The following CSNK1E variants were observed in gnomAD, a reference collection of about 807,000 sequenced individuals.
CSNK1E encodes casein kinase I isoform epsilon.
Under a neutral mutation model 46.1 loss-of-function variants are expected in CSNK1E, and 17 were observed. The observed-to-expected ratio is 0.37, with a 90% CI of 0.25 to 0.55. The LOEUF (loss-of-function observed/expected upper bound fraction) is 0.55, where lower values mean the gene tolerates loss of function less well. Among genes scored for constraint, CSNK1E ranks in the 20% least tolerant of loss-of-function variants. The probability of loss-of-function intolerance (pLI) is 0.82; values close to 1 mark genes in which losing one functional copy is unlikely to be tolerated. For synonymous variants in CSNK1E, 241 were observed against 242.6 expected, an observed-to-expected ratio of 0.99 and a Z score of 0.06; for missense variants, 386 against 595.4, an observed-to-expected ratio of 0.65 and a Z score of 3.66.
chr22:38,299,855 A>G, intron 6 of CSNK1E, 40 bp downstream of exon 6: 1 of 1,601,666 alleles, frequency 6.2e-7, no homozygotes, highest in Non-Finnish European at 8.5e-7. Context: ...ACAGTGCCTC[A>G]GGGGCCCCCA....
Position 38,298,695 on chromosome 22 carries a change from G to C in CSNK1E, c.885+91C>G. ...AGCTCGTACCTCCCGTCTGTCGGGA[G>C]CCCCTCCCGCCACCAGCTCACTCTG... On this transcript the variant is annotated intron_variant, in intron 7 of 10. Transcript: ENST00000396832. This position sits in a 1 kb window ranked among gnomAD's most constrained non-coding sequence, Gnocchi z 4.2. 6.8e-7 allele frequency: 1 copy of C among 1,473,448 alleles called. No homozygotes were observed. The highest frequency in any genetic ancestry group is 9.4e-7 in the Non-Finnish European group (1 of 1,063,320). The allele number at this position is 1,473,448 out of a possible 1,614,324, so 91.3% of individuals were successfully genotyped here. A position where few individuals can be genotyped will look rare whatever the true frequency, so the allele number is the denominator to read the frequency against.
At chr22:38,315,934 C>T (rs1362829675) in intron 1 of CSNK1E, among the ~76,000 whole-genome samples, 5 of 152,040 alleles carry the variant, frequency 3.3e-5, no homozygotes, top group African/African-American at 7.2e-5. Flanking sequence ...CTGCTATGTG[C>T]CAGCCACCCA....
chr22:38,315,276 C>T (rs923328038), intron 1 of CSNK1E, among the ~76,000 whole-genome samples: 1 of 152,236 alleles, frequency 6.6e-6, no homozygotes, highest in Admixed American at 6.5e-5. Context: ...CCAAGTGCTG[C>T]CCCCAACAAC....
chr22:38,308,509 G>A (rs1027993937), intron 2 of CSNK1E, among the ~76,000 whole-genome samples: 4 of 152,062 alleles, frequency 2.6e-5, no homozygotes, highest in African/African-American at 7.2e-5. Flanking sequence ...AGGGGTCGTC[G>A]GACAAGGCAC....
chr22:38,314,595 T>TG (rs1207412768), intron 1 of CSNK1E, among the ~76,000 whole-genome samples: 4 of 152,156 alleles, frequency 2.6e-5, no homozygotes, highest in Admixed American at 2.0e-4. Flanking sequence ...CATCCCCTAC[T>TG]GGGGGGAAGG....
rs748049706 is a variant in CSNK1E, at chr22:38,314,167, T to C, written c.-10A>G. The C allele has an allele frequency of 1.7e-5, 28 of 1,613,642 alleles. No homozygotes were observed. Among genetic ancestry groups the C allele is most frequent in the Non-Finnish European group, 2.4e-5 (28 of 1,179,754 alleles). On this transcript the variant is annotated splice_region_variant and 5_prime_UTR_variant, in exon 2 of 11. Transcript: ENST00000396832. ...CCACACGTAGCTCCATGGCTCACTCTTGCTGCAGAGGAAGCAGGAACATGA... is the reference window on the plus strand; with the variant it reads ...CCACACGTAGCTCCATGGCTCACTCCTGCTGCAGAGGAAGCAGGAACATGA...
chr22:38,299,667 G>GCACCCATCACACC (rs944979842), intron 6 of CSNK1E, among the ~76,000 whole-genome samples: 2 of 152,242 alleles, frequency 1.3e-5, no homozygotes, highest in African/African-American at 4.8e-5. Flanking sequence ...GGGATTACAG[G>GCACCCATCACACC]TGGGGCTAAT....
At chr22:38,305,043 A>C (rs1166426233) in intron 2 of CSNK1E, among the ~76,000 whole-genome samples, 1 of 149,824 alleles carries the variant, frequency 6.7e-6, no homozygotes, top group African/African-American at 2.5e-5. Flanking sequence ...AATCACTTGA[A>C]CCCAGGAGGC....
In CSNK1E at chr22:38,300,054, G is replaced by T; in HGVS notation, c.577C>A (p.Arg193=). 6.2e-7 allele frequency: 1 copy of T among 1,613,908 alleles called. No homozygotes were observed. Among genetic ancestry groups the T allele is most frequent in the Non-Finnish European group, 8.5e-7 (1 of 1,179,990 alleles). Residue 193 remains arginine, a synonymous_variant, in exon 6 of 11, where the codon CGA becomes AGA. Transcript: ENST00000396832. This position sits in a 1 kb window ranked among gnomAD's most constrained non-coding sequence, Gnocchi z 4.4. ...TAGCCCAGGCTCTCCAGGTCATCTC[G>T]ACGGCTTTGCTCTGCACAGAGAGTC... ...NTHLGIEQSR[R]DDLESLGYVL...
chr22:38,299,297 G>A (rs1007451904), intron 6 of CSNK1E, among the ~76,000 whole-genome samples: 1 of 152,214 alleles, frequency 6.6e-6, no homozygotes. Context: ...GCAAGAGCCT[G>A]ACGGGACCTT....
Position 38,298,660 on chromosome 22 carries a change from C to G in CSNK1E, c.885+126G>C, listed in dbSNP as rs547166721. 139 of 1,134,284 alleles carry G rather than the reference C, an allele frequency of 1.2e-4. No individual in the cohort carries two copies. The East Asian group carries it at 3.2e-3, about 26-fold the overall frequency. The allele number at this position is 1,134,284 out of a possible 1,614,324, so 70.3% of individuals were successfully genotyped here. A position where few individuals can be genotyped will look rare whatever the true frequency, so the allele number is the denominator to read the frequency against. On this transcript the variant is annotated intron_variant, in intron 7 of 10. Transcript: ENST00000396832. This position sits in a 1 kb window ranked among gnomAD's most constrained non-coding sequence, Gnocchi z 4.2. ...GCTCTGGGACCCCAGTGAGGTCAAC[C>G]ACACTGTCCAGCTCGTACCTCCCGT...
In CSNK1E at chr22:38,303,937, C is replaced by T. The variant is rs1205603099; in HGVS notation, c.77-689G>A. 2.0e-5 allele frequency among the ~76,000 whole-genome samples: 3 copies of T among 152,186 alleles called. No individual in the cohort carries two copies. The highest frequency in any genetic ancestry group is 7.2e-5 in the African/African-American group (3 of 41,446). On this transcript the variant is annotated intron_variant, in intron 2 of 10. Transcript: ENST00000396832. This position sits in a 1 kb window ranked among gnomAD's most constrained non-coding sequence, Gnocchi z 4.7. Reference sequence around the variant, plus strand: ...GTCCTGCCTGCACCTCCCCGTCTCCCCCAGTCCACTCCTGGCTTCTCAAGG... The same window carrying T: ...GTCCTGCCTGCACCTCCCCGTCTCCTCCAGTCCACTCCTGGCTTCTCAAGG...
At chr22:38,299,029 A>G in intron 6 of CSNK1E, 95 bp from the exon 7 acceptor site, 2 of 1,384,748 alleles carry the variant, frequency 1.4e-6, no homozygotes, top group Non-Finnish European at 2.0e-6. Context: ...CACTGTCCCT[A>G]GATACTTCCA....
chr22:38,296,539 C>T, intron 7 of CSNK1E: 1 of 1,610,754 alleles, frequency 6.2e-7, no homozygotes, highest in Non-Finnish European at 8.5e-7. Context: ...GTTCAGCTCA[C>T]TACAGTGGCC....
In CSNK1E at chr22:38,294,980, G is replaced by A. The variant is rs924578140; in HGVS notation, c.886-446C>T. On this transcript the variant is annotated intron_variant, in intron 7 of 10. Coordinates refer to ENST00000396832, the MANE Select transcript of CSNK1E (RefSeq NM_152221.3). This position sits in a 1 kb window ranked among gnomAD's most constrained non-coding sequence, Gnocchi z 5.5. Reference sequence around the variant, plus strand: ...GCAGACTGGCTAGGGGTGTCCAGAGGGGGAAAAGAACAGGCCCAGAGTCAC... The same window carrying A: ...GCAGACTGGCTAGGGGTGTCCAGAGAGGGAAAAGAACAGGCCCAGAGTCAC... Among the ~76,000 whole-genome samples, 9 of 152,174 alleles carry A rather than the reference G, an allele frequency of 5.9e-5. No homozygotes were observed. Among genetic ancestry groups the A allele is most frequent in the African/African-American group, 2.2e-4 (9 of 41,430 alleles).
intron 2 of CSNK1E, among the ~76,000 whole-genome samples, chr22:38,313,506 G>A (rs952201222): frequency 6.6e-6 from 1 of 152,204 alleles, no homozygotes; most frequent in Non-Finnish European, 1.5e-5. Flanking sequence ...TGTTTAAAAT[G>A]CAACATCACA....
At chr22:38,310,832 C>T (rs1006079921) in intron 2 of CSNK1E, among the ~76,000 whole-genome samples, 2 of 152,242 alleles carry the variant, frequency 1.3e-5, no homozygotes, top group Admixed American at 6.5e-5. Flanking sequence ...CCAGCCCCAC[C>T]GGCAGAGGCC....
chr22:38,315,452 G>A (rs1243497593), intron 1 of CSNK1E, among the ~76,000 whole-genome samples: 2 of 152,216 alleles, frequency 1.3e-5, no homozygotes, highest in East Asian at 1.9e-4. Context: ...TCAATCAAGG[G>A]CCGCTGCCCA....
chr22:38,298,136 C>G lies in CSNK1E; in HGVS notation c.885+650G>C, dbSNP rs760637990. Reference sequence around the variant, plus strand: ...CGTGGGCCCAGCACAGGGACAGGGGCGGGGACAGAAAGGTCCCTTCGCTGT... The same window carrying G: ...CGTGGGCCCAGCACAGGGACAGGGGGGGGGACAGAAAGGTCCCTTCGCTGT... On this transcript the variant is annotated intron_variant, in intron 7 of 10. Transcript: ENST00000396832. The surrounding 1 kb of genome is among the most constrained non-coding windows in gnomAD (Gnocchi z 4.2). 4 of 1,293,666 alleles carry G rather than the reference C, an allele frequency of 3.1e-6. No individual in the cohort carries two copies. The highest frequency in any genetic ancestry group is 4.1e-6 in the Non-Finnish European group (4 of 983,284). The allele number at this position is 1,293,666 out of a possible 1,614,324, so 80.1% of individuals were successfully genotyped here.
Sources: allele counts gnomAD v4.1 joint callset (sites outside exome capture counted in the v4.1 genomes callset), GRCh38; gene constraint gnomAD v4.1.1; non-coding constraint Gnocchi (gnomAD v3.1); transcripts MANE v1.5; gene names NCBI Gene and HGNC (gene_info 2026-07-23, HGNC 2026-07-21).